IQCM: variants seen among roughly 807,000 people sequenced by gnomAD.
The protein encoded by IQCM is IQ domain-containing protein M.
IQCM carries 45 observed loss-of-function variants against 57.6 expected under a neutral mutation model. The ratio of observed to expected loss-of-function variants is 0.78; its 90% CI spans 0.62 to 1.00. The LOEUF (loss-of-function observed/expected upper bound fraction) is 1.00. Among genes scored for constraint, IQCM ranks in the 50% least tolerant of loss-of-function variants. The pLI, the probability that IQCM is intolerant of heterozygous loss-of-function variation, is 0.00. For missense variants in IQCM, 468 were observed against 511.6 expected (o/e 0.91, Z 0.82); for synonymous variants, 148 against 158.9 (o/e 0.93, Z 0.51).
At chr4:149,619,853 T>C (rs908191050) in intron 8 of IQCM, among the ~76,000 whole-genome samples, 2 of 152,020 alleles carry the variant, frequency 1.3e-5, no homozygotes, top group African/African-American at 4.8e-5. Context: ...AGGGATGCAT[T>C]AGTACAGAAG....
intron 13 of IQCM, among the ~76,000 whole-genome samples, chr4:149,385,104 T>C (rs1055205228): frequency 3.3e-5 from 5 of 152,210 alleles, no homozygotes; most frequent in East Asian, 1.9e-4. Flanking sequence ...TTTAGAAAGA[T>C]ACTGGAGAGT....
chr4:149,689,558 A>T (rs1220758559), intron 5 of IQCM, among the ~76,000 whole-genome samples: 2 of 151,962 alleles, frequency 1.3e-5, no homozygotes, highest in Non-Finnish European at 2.9e-5. Flanking sequence ...AAAAATAAAA[A>T]TTTTAAAAAG....
At chr4:149,736,515 G>A (rs1404731590) in intron 3 of IQCM, among the ~76,000 whole-genome samples, 4 of 152,066 alleles carry the variant, frequency 2.6e-5, no homozygotes, top group African/African-American at 4.8e-5. Flanking sequence ...TGGCCAGTGG[G>A]CTCTCTGTTT....
intron 13 of IQCM, among the ~76,000 whole-genome samples, chr4:149,405,270 C>T (rs1732897589): frequency 6.6e-6 from 1 of 152,002 alleles, no homozygotes; most frequent in African/African-American, 2.4e-5. Context: ...CAGGAACTTC[C>T]TAGGTCCTCA....
intron 5 of IQCM, chr4:149,691,000 A>G (rs553979329): frequency 6.6e-6 from 1 of 152,262 alleles, no homozygotes; most frequent in South Asian, 2.1e-4. Flanking sequence ...AGGTAACTAT[A>G]AAGCTCAGAG....
chr4:149,408,539 T>C (rs553286148), intron 13 of IQCM, among the ~76,000 whole-genome samples: 1 of 152,272 alleles, frequency 6.6e-6, no homozygotes, highest in East Asian at 1.9e-4. Flanking sequence ...GCTTTAGCAG[T>C]CACTCAATCC....
intron 12 of IQCM, among the ~76,000 whole-genome samples, chr4:149,445,280 A>G (rs1460148566): frequency 6.6e-6 from 1 of 151,832 alleles, no homozygotes; most frequent in Non-Finnish European, 1.5e-5. Context: ...GGTAGGATAA[A>G]CCTGGATTCC....
intron 7 of IQCM, among the ~76,000 whole-genome samples, chr4:149,640,522 C>A (rs1334723390): frequency 6.6e-6 from 1 of 152,152 alleles, no homozygotes; most frequent in Admixed American, 6.6e-5. Flanking sequence ...GCAAAGCTAT[C>A]ATCTTCTCTT....
intron 12 of IQCM, among the ~76,000 whole-genome samples, chr4:149,446,536 A>G (rs1736528793): frequency 6.6e-6 from 1 of 151,710 alleles, no homozygotes; most frequent in Admixed American, 6.6e-5. Context: ...TTGAGAAATT[A>G]TTACAGCAAA....
chr4:149,353,432 G>A (rs1728712365), intron 13 of IQCM, among the ~76,000 whole-genome samples: 1 of 152,098 alleles, frequency 6.6e-6, no homozygotes. Context: ...CCTCTTCTGG[G>A]CATATACCCA....
Position 149,390,178 on chromosome 4 carries a change from TG to T in IQCM, c.1391-38113del, listed in dbSNP as rs1186144866. On this transcript the variant is annotated intron_variant, in intron 13 of 13. Coordinates refer to ENST00000636793, the MANE Select transcript of IQCM (RefSeq NM_001363507.2). ...CAGTACACAAGTATTGTACTTATAT[TG>T]TTAGAATTATTCTTTTAAAAACATT... Among the ~76,000 whole-genome samples, 3 of 152,154 alleles carry T rather than the reference TG, an allele frequency of 2.0e-5. No homozygotes were observed. The South Asian group carries it at 6.2e-4, about 32-fold the overall frequency.
intron 9 of IQCM, among the ~76,000 whole-genome samples, chr4:149,571,578 G>A (rs569330222): frequency 4.3e-4 from 66 of 152,174 alleles, no homozygotes; most frequent in Non-Finnish European, 6.2e-4. Flanking sequence ...GTATAACATG[G>A]TGACTATAGT....
At chr4:149,470,104 A>G (rs1739344184) in intron 12 of IQCM, among the ~76,000 whole-genome samples, 1 of 152,176 alleles carries the variant, frequency 6.6e-6, no homozygotes, top group Non-Finnish European at 1.5e-5. Flanking sequence ...TAATGACAGG[A>G]TCAAATTCAC....
At chr4:149,562,567 C>T (rs1378697572) in intron 10 of IQCM, among the ~76,000 whole-genome samples, 2 of 152,118 alleles carry the variant, frequency 1.3e-5, no homozygotes, top group Non-Finnish European at 2.9e-5. Context: ...CTTAGACAGA[C>T]ATGGGTTTGA....
chr4:149,729,374 C>T (rs1049409842), intron 5 of IQCM, among the ~76,000 whole-genome samples: 1 of 152,170 alleles, frequency 6.6e-6, no homozygotes, highest in East Asian at 1.9e-4. Flanking sequence ...AAATGAAATT[C>T]TCTAAAAAAA....
At chr4:149,769,613 T>A (rs114711397) in intron 2 of IQCM, among the ~76,000 whole-genome samples, 1,898 of 149,986 alleles carry the variant, frequency 0.013, 47 homozygotes, top group African/African-American at 0.044. Context: ...GCCACAGTAA[T>A]CAAAATAAAA....
intron 8 of IQCM, among the ~76,000 whole-genome samples, chr4:149,617,621 C>T (rs534683555): frequency 1.3e-5 from 2 of 152,128 alleles, no homozygotes; most frequent in African/African-American, 4.8e-5. Context: ...AAGTCTCCAT[C>T]AAAAAAACTA....
chr4:149,550,261 A>G (rs1310008315), intron 11 of IQCM, among the ~76,000 whole-genome samples: 2 of 152,202 alleles, frequency 1.3e-5, no homozygotes, highest in Non-Finnish European at 2.9e-5. Flanking sequence ...TTGTCCAGGT[A>G]GTAATTTGCT....
Position 149,675,651 on chromosome 4 carries a change from A to T in IQCM, c.565+6467T>A, listed in dbSNP as rs530957283. On this transcript the variant is annotated intron_variant, in intron 7 of 13. Coordinates refer to ENST00000636793, the MANE Select transcript of IQCM (RefSeq NM_001363507.2). ...GTTTTAGTGATCGCAGGTACCCTGGAAGTCCTAGGTGTCTTGTGGAGACTG... is the reference window on the plus strand; with the variant it reads ...GTTTTAGTGATCGCAGGTACCCTGGTAGTCCTAGGTGTCTTGTGGAGACTG... Among the ~76,000 whole-genome samples the T allele has an allele frequency of 8.2e-4, 125 of 152,000 alleles. 1 individual carries two copies. Among genetic ancestry groups the T allele is most frequent in the Non-Finnish European group, 1.6e-3 (111 of 67,956 alleles).
Sources: gnomAD v4.1 joint callset for allele counts (sites outside exome capture counted in the v4.1 genomes callset) on GRCh38, gnomAD v4.1.1 for gene constraint, MANE v1.5 for transcripts, NCBI Gene and HGNC (gene_info 2026-07-23, HGNC 2026-07-21) for gene names.